The following FN1 variants were observed in gnomAD, a reference collection of about 807,000 sequenced individuals.
FN1 encodes the protein fibronectin.
In FN1, 106 loss-of-function variants were observed where a neutral mutation model predicts 297.3. That is an observed-to-expected ratio of 0.36 (90% CI 0.30 to 0.42). FN1 has a LOEUF of 0.42. Ranked by LOEUF, FN1 falls within the 10% of genes least tolerant of loss-of-function variation. The pLI, the probability that FN1 is intolerant of heterozygous loss-of-function variation, is 1.00. For synonymous variants in FN1, 1,149 were observed against 1,152.6 expected, an observed-to-expected ratio of 1.00 and a Z score of 0.06; for missense variants, 2,690 against 3,124.9, an observed-to-expected ratio of 0.86 and a Z score of 3.32.
At chr2:215,417,467 T>C (rs1460383906) in intron 12 of FN1, among the ~76,000 whole-genome samples, 1 of 152,234 alleles carries the variant, frequency 6.6e-6, no homozygotes, top group East Asian at 1.9e-4. Context: ...TGTGCTTTTC[T>C]AGTTGCTTAT....
rs75500004 is a variant in FN1, at chr2:215,408,046, G to A, written c.2518+62C>T. 6.6e-3 allele frequency: 8,374 copies of A among 1,275,672 alleles called. 416 individuals are homozygous for A. In the African/African-American group the frequency reaches 0.11, roughly 17 times the overall value. 79.0% of individuals were successfully genotyped at this position (1,275,672 alleles called of 1,614,324 possible). On this transcript the variant is annotated intron_variant, in intron 17 of 45. Transcript: ENST00000354785. Reference sequence around the variant, plus strand: ...ATGCAGGTCCGCAGTCAGAATCTGCGCCCTCCCTGCTGATGTCATTAAGAT... The same window carrying A: ...ATGCAGGTCCGCAGTCAGAATCTGCACCCTCCCTGCTGATGTCATTAAGAT...
chr2:215,379,343 G>A (rs367690071), intron 33 of FN1, 26 bp from the exon 34 acceptor site: 2 of 1,605,394 alleles, frequency 1.2e-6, no homozygotes, highest in South Asian at 1.1e-5. Context: ...TTGGTTAGAG[G>A]TTATCTTATA....
intron 43 of FN1, 150 bp from the exon 44 acceptor site, chr2:215,365,135 C>A: frequency 1.4e-6 from 1 of 704,930 alleles, no homozygotes. Flanking sequence ...AGCAGTACTG[C>A]TATACAGATC....
intron 42 of FN1, chr2:215,367,614 A>G (rs1471671833): frequency 2.0e-6 from 1 of 511,080 alleles, no homozygotes; most frequent in African/African-American, 1.9e-5. Context: ...TCAAATTAGC[A>G]CCATAATCTT....
intron 15 of FN1, 72 bp downstream of exon 15, chr2:215,409,491 G>T: frequency 6.9e-7 from 1 of 1,452,396 alleles, no homozygotes; most frequent in Non-Finnish European, 9.7e-7. Flanking sequence ...CTGCCTAGAG[G>T]CCACCCACCC....
Position 215,380,865 on chromosome 2 carries a change from C to T in FN1, c.5380G>A (p.Val1794Ile). The change falls in exon 33 of 46, where the codon GTT becomes ATT. Residue 1794 changes from valine (V) to isoleucine (I), a missense_variant. Physicochemically the swap from Val to Ile is conservative, Grantham distance 29. Around this residue, in one of 3 missense-constraint regions of FN1, gnomAD observed 1,743 missense variants for 1,945.2 expected, o/e 0.90. Transcript: ENST00000354785. ...CTCTCCATATCATCGTGCAAGGCAACCACACTGACTGTGTACTCAGAACCC... is the reference window on the plus strand; with the variant it reads ...CTCTCCATATCATCGTGCAAGGCAATCACACTGACTGTGTACTCAGAACCC... Reference protein sequence around the residue: ...RPGSEYTVSVVALHDDMESQP... With the variant: ...RPGSEYTVSVIALHDDMESQP... 2 of 1,614,094 alleles carry T rather than the reference C, an allele frequency of 1.2e-6. No individual in the cohort carries two copies. The highest frequency in any genetic ancestry group is 1.7e-6 in the Non-Finnish European group (2 of 1,180,020).
chr2:215,377,171 T>G (rs2057438638), intron 35 of FN1, among the ~76,000 whole-genome samples: 1 of 152,080 alleles, frequency 6.6e-6, no homozygotes, highest in Admixed American at 6.6e-5. Context: ...ATCCCTCTTT[T>G]ATAAATGATA....
chr2:215,386,836 T>G lies in FN1; in HGVS notation c.4465A>C (p.Ser1489Arg). The G allele has an allele frequency of 5.0e-6, 8 of 1,614,064 alleles. No homozygotes were observed. Among genetic ancestry groups the G allele is most frequent in the Non-Finnish European group, 5.9e-6 (7 of 1,179,998 alleles). Residue 1489 changes from serine (S) to arginine (R), a missense_variant, in exon 28 of 46, where the codon AGT becomes CGT. Physicochemically the swap from Ser to Arg is moderately radical, Grantham distance 110. Transcript: ENST00000354785. ...ACCCGATCTTCTCGAGGTCTCCCAC[T>G]GAAGTGCTCGGGATGATGGCGGATC... is the stretch of plus-strand genomic sequence containing the variant. ...YRIRHHPEHF[S>R]GRPREDRVPH...
At position 215,406,297 on chromosome 2, in the gene FN1, T is replaced by C. The variant is rs868515696; in HGVS notation, c.2927A>G (p.Lys976Arg). ...GLSPGVTYYFKVFAVSHGRES... is the reference protein window; with the variant it reads ...GLSPGVTYYFRVFAVSHGRES... ...CCTCCCATGGCTCACTGCAAAGACTTTGAAGTAATAGGTGACCCCAGGGGA... is the reference window on the plus strand; with the variant it reads ...CCTCCCATGGCTCACTGCAAAGACTCTGAAGTAATAGGTGACCCCAGGGGA... Residue 976 changes from lysine (K) to arginine (R), a missense_variant, in exon 19 of 46, where the codon AAA (lysine) becomes AGA (arginine). By Grantham distance (26) the Lys-to-Arg change is conservative. This residue lies in a region of FN1 where 1,743 missense variants were observed against 1,945.2 expected (regional missense o/e 0.90). Transcript: ENST00000354785. 29 of 1,614,062 alleles carry C rather than the reference T, an allele frequency of 1.8e-5. No homozygotes were observed. The highest frequency in any genetic ancestry group is 4.0e-5 in the African/African-American group (3 of 74,916).
intron 36 of FN1, 152 bp from the exon 37 acceptor site, chr2:215,375,870 C>A: frequency 1.5e-6 from 1 of 683,072 alleles, no homozygotes; most frequent in Non-Finnish European, 2.7e-6. Context: ...GTAGAGCATG[C>A]TATGGATGTT....
At chr2:215,365,800 C>G (rs998506620) in intron 42 of FN1, 170 bp from the exon 43 acceptor site, 11 of 332,634 alleles carry the variant, frequency 3.3e-5, no homozygotes, top group African/African-American at 2.4e-4. Flanking sequence ...TATTTATTTA[C>G]TTTTTATTTT....
chr2:215,386,986 GAAAAA>G, intron 27 of FN1, 28 bp from the exon 28 acceptor site: 1 of 1,377,566 alleles, frequency 7.3e-7, no homozygotes, highest in Non-Finnish European at 9.9e-7. Flanking sequence ...GGGAGGAAGA[GAAAAA>G]AAAAAGAAAA....
In FN1 at chr2:215,365,615, T is replaced by C. The variant is rs767465132; in HGVS notation, c.7034A>G (p.Asn2345Ser). ...CTCTCCAATCTTGTAGTTCACACCA[T>C]TGTCATGGCACCATCCTGTAGGGGT... Reference protein sequence around the residue: ...RCDSSRWCHDNGVNYKIGEKW... With the variant: ...RCDSSRWCHDSGVNYKIGEKW... Residue 2345 changes from asparagine to serine, a missense_variant, in exon 43 of 46, where the codon AAT becomes AGT. Physicochemically the swap from Asn to Ser is conservative, Grantham distance 46. Coordinates refer to ENST00000354785, the MANE Select transcript of FN1 (RefSeq NM_212482.4). 66 of 1,613,876 alleles carry C rather than the reference T, an allele frequency of 4.1e-5. No homozygotes were observed. The highest frequency in any genetic ancestry group is 5.3e-5 in the Non-Finnish European group (63 of 1,179,918).
At chr2:215,401,287 AAAGAG>A (rs781489374) in intron 20 of FN1, among the ~76,000 whole-genome samples, 7 of 94,622 alleles carry the variant, frequency 7.4e-5, no homozygotes, top group South Asian at 4.5e-4. Context: ...GAAAGGAAGA[AAAGAG>A]AGAGAGAGAA....
At chr2:215,388,334 C>T (rs749574665) in intron 26 of FN1, 33 bp from the exon 27 acceptor site, 27 of 1,500,668 alleles carry the variant, frequency 1.8e-5, no homozygotes, top group Non-Finnish European at 2.5e-5. Context: ...TTTTAAAACT[C>T]TGCTCAAAAG....
Position 215,428,337 on chromosome 2 carries a change from A to G in FN1, c.687T>C (p.Asn229=). 1 of 1,614,066 alleles carries G rather than the reference A, an allele frequency of 6.2e-7. No homozygotes were observed. The highest frequency in any genetic ancestry group is 8.5e-7 in the Non-Finnish European group (1 of 1,179,996). The change falls in exon 6 of 46, where the codon AAT becomes AAC. Residue 229 remains asparagine (N), a splice_region_variant and synonymous_variant. Transcript: ENST00000354785. The part of the protein sequence containing the change: ...GSGRITCTSR[N]RCNDQDTRTS... ...TCCTTGTGTCCTGATCGTTGCATCT[A>G]TCTGTGTCACAAAGGAAGCACATAC...
chr2:215,407,950 C>G lies in FN1; in HGVS notation c.2518+158G>C, dbSNP rs865967248. ...TGCCATAGAAAATAACTCCCCCACC[C>G]CCGCCACACACACACACACACACAC... On this transcript the variant is annotated intron_variant, in intron 17 of 45. Coordinates refer to ENST00000354785, the MANE Select transcript of FN1 (RefSeq NM_212482.4). Among the ~76,000 whole-genome samples the G allele has an allele frequency of 5.0e-3, 223 of 44,352 alleles. 2 individuals are homozygous for G. The highest frequency in any genetic ancestry group is 0.022 in the South Asian group (19 of 870). The allele number at this position is 44,352 out of a possible 152,430, so 29.1% of individuals were successfully genotyped here.
chr2:215,387,777 G>A (rs1322916105), intron 27 of FN1, among the ~76,000 whole-genome samples: 2 of 152,162 alleles, frequency 1.3e-5, no homozygotes, highest in Non-Finnish European at 1.5e-5. Context: ...ATTTAAGTAT[G>A]TAATATTTAT....
intron 5 of FN1, among the ~76,000 whole-genome samples, chr2:215,429,064 G>C (rs2066007869): frequency 6.6e-6 from 1 of 151,928 alleles, no homozygotes; most frequent in South Asian, 2.1e-4. Flanking sequence ...ACAAAAAAAA[G>C]CTTATAACAA....
Sources: gnomAD v4.1 joint callset for allele counts (sites outside exome capture counted in the v4.1 genomes callset) on GRCh38, gnomAD v4.1.1 for gene constraint, gnomAD v4.1.1 regional missense constraint, MANE v1.5 for transcripts, NCBI Gene and HGNC (gene_info 2026-07-23, HGNC 2026-07-21) for gene names.